Variants in NCOR1 observed in about 807,000 individuals in gnomAD.
The protein encoded by NCOR1 is protein phosphatase 1, regulatory subunit 109.
Under a neutral mutation model 288.1 loss-of-function variants are expected in NCOR1, and 63 were observed. That is an observed-to-expected ratio of 0.22 (90% CI 0.18 to 0.27). The LOEUF is 0.27. Ranked by LOEUF, NCOR1 falls within the 10% of genes least tolerant of loss-of-function variation. NCOR1 has a pLI of 1.00. For missense variants in NCOR1, 2,397 were observed against 3,019.2 expected, an observed-to-expected ratio of 0.79 and a Z score of 4.83; for synonymous variants, 1,007 against 1,065.9, an observed-to-expected ratio of 0.94 and a Z score of 1.08.
intron 3 of NCOR1, among the ~76,000 whole-genome samples, chr17:16,182,430 T>G (rs937517024): frequency 3.9e-5 from 6 of 152,192 alleles, no homozygotes; most frequent in Non-Finnish European, 7.4e-5. Flanking sequence ...CACAGAAAAC[T>G]TAAATAAATT....
chr17:16,078,498 G>A (rs948933441), intron 26 of NCOR1, among the ~76,000 whole-genome samples: 2 of 152,134 alleles, frequency 1.3e-5, no homozygotes, highest in African/African-American at 4.8e-5. Context: ...AATACATACA[G>A]GCCCATTTAC....
intron 5 of NCOR1, among the ~76,000 whole-genome samples, chr17:16,164,151 G>A (rs1158130281): frequency 6.6e-6 from 1 of 151,502 alleles, no homozygotes; most frequent in Admixed American, 6.6e-5. Context: ...TGTTGCAGGA[G>A]AATCACTTGA....
chr17:16,056,098 G>A (rs1567737118), intron 40 of NCOR1, among the ~76,000 whole-genome samples: 1 of 151,378 alleles, frequency 6.6e-6, no homozygotes, highest in East Asian at 1.9e-4. Flanking sequence ...AGACCATTTA[G>A]CTTCTTATTT....
chr17:16,181,841 G>A (rs1001496162), intron 3 of NCOR1, among the ~76,000 whole-genome samples: 2 of 152,046 alleles, frequency 1.3e-5, no homozygotes, highest in African/African-American at 4.8e-5. Flanking sequence ...GTGAAAAACA[G>A]CAAACAAATA....
intron 28 of NCOR1, 130 bp downstream of exon 28, chr17:16,073,299 G>T: frequency 1.3e-6 from 1 of 777,074 alleles, no homozygotes; most frequent in Non-Finnish European, 1.9e-6. Flanking sequence ...GACAGAAATT[G>T]CATACAACTT....
intron 6 of NCOR1, among the ~76,000 whole-genome samples, chr17:16,157,688 AC>A (rs1343267417): frequency 6.6e-6 from 1 of 151,964 alleles, no homozygotes; most frequent in African/African-American, 2.4e-5. Flanking sequence ...TTAGCTAAAA[AC>A]CCTATTCTAT....
rs1568193281 is a variant in NCOR1, at chr17:16,127,258, T to TGTGTATATATGTATGTATATATAC, written c.1510-1076_1510-1053dup. Among the ~76,000 whole-genome samples the TGTGTATATATGTATGTATATATAC allele has an allele frequency of 1.7e-4, 19 of 115,104 alleles. 5 individuals are homozygous for TGTGTATATATGTATGTATATATAC. The highest frequency in any genetic ancestry group is 1.0e-3 in the East Asian group (5 of 4,968). 75.5% of individuals were successfully genotyped at this position (115,104 alleles called of 152,430 possible). On this transcript the variant is annotated intron_variant, in intron 14 of 45. Coordinates refer to ENST00000268712, the MANE Select transcript of NCOR1 (RefSeq NM_006311.4). ...ATGCATATATGTATGTATATATGTG[T>TGTGTATATATGTATGTATATATAC]GTGTATATATGTATGTATATATACG...
chr17:16,037,678 A>T (rs1366174324), intron 44 of NCOR1, among the ~76,000 whole-genome samples: 1 of 152,192 alleles, frequency 6.6e-6, no homozygotes, highest in Non-Finnish European at 1.5e-5. Flanking sequence ...CACACAAAGA[A>T]ATAATATGTA....
At position 16,139,190 on chromosome 17, in the gene NCOR1, G is replaced by GA. The variant is rs749663101; in HGVS notation, c.1174-5dup. 20 of 1,600,684 alleles carry GA rather than the reference G, an allele frequency of 1.2e-5. No homozygotes were observed. The highest frequency in any genetic ancestry group is 7.1e-5 in the Admixed American group (4 of 56,734). On this transcript the variant is annotated splice_region_variant and splice_polypyrimidine_tract_variant and intron_variant, in intron 11 of 45. Coordinates refer to ENST00000268712, the MANE Select transcript of NCOR1 (RefSeq NM_006311.4). ...GCCGCATTTGTTTCTCATTATTCTG[G>GA]AAAAAAAATACAATTTACTTAGAAT...
intron 27 of NCOR1, 106 bp downstream of exon 27, chr17:16,075,428 A>G: frequency 7.9e-7 from 1 of 1,266,800 alleles, no homozygotes; most frequent in Admixed American, 2.0e-5. Context: ...ACATAGGCTC[A>G]GCAAAGATAA....
At chr17:16,179,811 C>T (rs1470571635) in intron 3 of NCOR1, among the ~76,000 whole-genome samples, 4 of 152,008 alleles carry the variant, frequency 2.6e-5, no homozygotes, top group African/African-American at 7.3e-5. Flanking sequence ...GTCAGGAGAT[C>T]GAGACCATCC....
intron 11 of NCOR1, among the ~76,000 whole-genome samples, chr17:16,139,572 T>A (rs954226985): frequency 3.9e-5 from 6 of 152,162 alleles, no homozygotes; most frequent in African/African-American, 9.7e-5. Flanking sequence ...CTCAACATCA[T>A]TTTATAGAAC....
intron 6 of NCOR1, among the ~76,000 whole-genome samples, chr17:16,156,227 G>A (rs1029125501): frequency 6.6e-6 from 1 of 152,088 alleles, no homozygotes; most frequent in Non-Finnish European, 1.5e-5. Flanking sequence ...CTTGAGCCCA[G>A]GAGTTCAAGA....
intron 14 of NCOR1, among the ~76,000 whole-genome samples, chr17:16,131,146 T>A (rs573554846): frequency 1.3e-5 from 2 of 151,944 alleles, no homozygotes; most frequent in African/African-American, 2.4e-5. Flanking sequence ...TGCACGCCAC[T>A]GTGCCAGGCT....
At chr17:16,069,398 T>A (rs1309502315) in intron 31 of NCOR1, among the ~76,000 whole-genome samples, 1 of 152,054 alleles carries the variant, frequency 6.6e-6, no homozygotes, top group African/African-American at 2.4e-5. Flanking sequence ...AACACACTTG[T>A]ACAGCTCACA....
At chr17:16,055,897 CTA>C (rs2059856448) in intron 40 of NCOR1, among the ~76,000 whole-genome samples, 1 of 152,134 alleles carries the variant, frequency 6.6e-6, no homozygotes, top group African/African-American at 2.4e-5. Flanking sequence ...CGTCTAATGA[CTA>C]AGTCCGAGAT....
chr17:16,057,684 C>T lies in NCOR1; in HGVS notation c.6222G>A (p.Gln2074=). 6.2e-7 allele frequency: 1 copy of T among 1,613,910 alleles called. No individual in the cohort carries two copies. The highest frequency in any genetic ancestry group is 8.5e-7 in the Non-Finnish European group (1 of 1,180,006). ...ARNQVSSQTP[Q]QPPTSTFQNS... Reference sequence around the variant, plus strand: ...TCTGGAATGTAGAAGTAGGAGGCTGCTGGGGAGTCTGCGAGGAAACTTGAT... The same window carrying T: ...TCTGGAATGTAGAAGTAGGAGGCTGTTGGGGAGTCTGCGAGGAAACTTGAT... The change falls in exon 40 of 46, where the codon CAG becomes CAA. Residue 2074 remains glutamine (Q), a synonymous_variant. Transcript: ENST00000268712.
intron 1 of NCOR1, among the ~76,000 whole-genome samples, chr17:16,199,068 T>C (rs1309805216): frequency 1.3e-5 from 2 of 151,950 alleles, no homozygotes; most frequent in Non-Finnish European, 2.9e-5. Context: ...GTTAAGTGAC[T>C]TGTCCATTTT....
intron 35 of NCOR1, among the ~76,000 whole-genome samples, chr17:16,063,614 A>C (rs1044326496): frequency 1.3e-5 from 2 of 152,156 alleles, no homozygotes; most frequent in African/African-American, 4.8e-5. Flanking sequence ...TAATCCATCT[A>C]TTCCACTCGT....
Sources: allele counts gnomAD v4.1 joint callset (sites outside exome capture counted in the v4.1 genomes callset), GRCh38; gene constraint gnomAD v4.1.1; transcripts MANE v1.5; gene names NCBI Gene and HGNC (gene_info 2026-07-23, HGNC 2026-07-21).